The following SEMA4F variants were observed in gnomAD, a reference collection of about 807,000 sequenced individuals.
SEMA4F encodes the protein ssemaphorin 4F.
A neutral mutation model predicts 78.4 loss-of-function variants in SEMA4F; 51 were observed. That is an observed-to-expected ratio of 0.65 (90% CI 0.52 to 0.82). SEMA4F has a LOEUF of 0.82. Ranked by LOEUF, SEMA4F falls within the 40% of genes least tolerant of loss-of-function variation. The probability of loss-of-function intolerance (pLI) is 0.00; values close to 1 mark genes in which losing one functional copy is unlikely to be tolerated. For synonymous variants in SEMA4F, 418 were observed against 408.7 expected (o/e 1.02, Z -0.27); for missense variants, 938 against 1,014.4 (o/e 0.92, Z 1.02).
the SEMA4F span, among the ~76,000 whole-genome samples, chr2:74,708,992 C>G: frequency 0.012 from 1,889 of 152,142 alleles, 38 homozygotes; most frequent in African/African-American, 0.043. Flanking sequence ...ATGACAAATT[C>G]CTGTCTCTAC....
intron 12 of SEMA4F, 129 bp downstream of exon 12, chr2:74,676,038 A>G (rs1312922392): frequency 3.2e-6 from 3 of 945,918 alleles, no homozygotes; most frequent in Non-Finnish European, 4.6e-6. Context: ...TAGTGTCTAC[A>G]TCACTCGTGT....
chr2:74,690,053 C>T, the SEMA4F span, among the ~76,000 whole-genome samples: 1 of 152,298 alleles, frequency 6.6e-6, no homozygotes, highest in African/African-American at 2.4e-5. Context: ...TCCTTAAACC[C>T]TTCTGCAAAC....
At position 74,679,273 on chromosome 2, in the gene SEMA4F, T is replaced by A. The variant is rs751593705; in HGVS notation, c.1644-3T>A. 16 of 1,610,300 alleles carry A rather than the reference T, an allele frequency of 9.9e-6. No homozygotes were observed. The highest frequency in any genetic ancestry group is 1.3e-5 in the African/African-American group (1 of 74,838). On this transcript the variant is annotated splice_polypyrimidine_tract_variant and splice_region_variant and intron_variant, in intron 12 of 13. Coordinates refer to ENST00000357877, the MANE Select transcript of SEMA4F (RefSeq NM_004263.5). ...GATTTACCAAGCATTCTCTTCTTTA[T>A]AGGTTGGTCCAAGACATAGAGTCAG...
chr2:74,673,402 T>C, intron 5 of SEMA4F, 55 bp from the exon 6 acceptor site: 1 of 1,607,156 alleles, frequency 6.2e-7, no homozygotes, highest in South Asian at 1.1e-5. Context: ...CTGTGACCTC[T>C]GTTGCTTCCC....
the SEMA4F span, among the ~76,000 whole-genome samples, chr2:74,696,920 T>G: frequency 6.6e-6 from 1 of 152,238 alleles, no homozygotes; most frequent in Non-Finnish European, 1.5e-5. Flanking sequence ...CTGGGGTTAT[T>G]TCTAATCTTT....
In SEMA4F at chr2:74,682,611, C is replaced by G. The variant is rs551736679; in HGVS notation, c.*2402C>G. On this transcript the variant is annotated 3_prime_UTR_variant, in exon 14 of 14. Transcript: ENST00000357877. ...CTGTCTGACCTTAGTGGCCTGAGAT[C>G]CCTTTGTATAGAATGGAGGAAGGCT... is the stretch of plus-strand genomic sequence containing the variant. 2.4e-4 allele frequency: 37 copies of G among 152,164 alleles called. No homozygotes were observed. In the East Asian group the frequency reaches 7.2e-3, roughly 29 times the overall value. The allele number at this position is 152,164 out of a possible 1,614,324, so 9.4% of individuals were successfully genotyped here.
intron 5 of SEMA4F, among the ~76,000 whole-genome samples, chr2:74,667,651 CATT>C (rs369915067): frequency 1.6e-3 from 241 of 152,288 alleles, no homozygotes; most frequent in Middle Eastern, 6.8e-3. Flanking sequence ...TAAATGATCT[CATT>C]GTCTTTATTT....
intron 4 of SEMA4F, among the ~76,000 whole-genome samples, chr2:74,659,088 C>T (rs1252116263): frequency 6.6e-6 from 1 of 152,182 alleles, no homozygotes; most frequent in Non-Finnish European, 1.5e-5. Context: ...GATACACACT[C>T]CCTACCAGCA....
the SEMA4F span, among the ~76,000 whole-genome samples, chr2:74,693,336 A>C: frequency 6.6e-6 from 1 of 152,186 alleles, no homozygotes; most frequent in African/African-American, 2.4e-5. Flanking sequence ...TGTTGGCTGG[A>C]ACTTCCAGAA....
chr2:74,673,307 A>C, intron 5 of SEMA4F, 150 bp from the exon 6 acceptor site: 1 of 880,206 alleles, frequency 1.1e-6, no homozygotes. Context: ...AATTGCAATA[A>C]TGCCTGTGAT....
chr2:74,709,367 A>C, the SEMA4F span, among the ~76,000 whole-genome samples: 5 of 152,380 alleles, frequency 3.3e-5, 1 homozygote, highest in Middle Eastern at 6.8e-3. Context: ...ATCCTAATTC[A>C]GTGAAAATGT....
At chr2:74,657,691 C>G in intron 3 of SEMA4F, 67 bp downstream of exon 3, 1 of 1,512,668 alleles carries the variant, frequency 6.6e-7, no homozygotes, top group South Asian at 1.1e-5. Context: ...GACTCTCAGT[C>G]CCCTGTAATG....
the SEMA4F span, among the ~76,000 whole-genome samples, chr2:74,701,582 G>A: frequency 2.0e-5 from 3 of 152,086 alleles, no homozygotes; most frequent in Non-Finnish European, 4.4e-5. Context: ...GCCATGCTCC[G>A]TGAGTCCCTC....
At chr2:74,696,627 G>T in the SEMA4F span, among the ~76,000 whole-genome samples, 1 of 152,132 alleles carries the variant, frequency 6.6e-6, no homozygotes, top group Admixed American at 6.5e-5. Flanking sequence ...CACTGCTCAG[G>T]TGATGGGTGC....
intron 12 of SEMA4F, among the ~76,000 whole-genome samples, chr2:74,677,255 G>C (rs1685342924): frequency 6.6e-6 from 1 of 152,164 alleles, no homozygotes; most frequent in Non-Finnish European, 1.5e-5. Flanking sequence ...TCCAAAAGTA[G>C]AGAGAATTGT....
At chr2:74,675,408 T>G in intron 10 of SEMA4F, 24 bp downstream of exon 10, 1 of 1,608,876 alleles carries the variant, frequency 6.2e-7, no homozygotes. Flanking sequence ...TCAAGCAGGC[T>G]GCCTACCTAG....
In SEMA4F at chr2:74,674,491, AC is replaced by A. The variant is rs1209750894; in HGVS notation, c.823-3del. 1 of 1,603,518 alleles carries A rather than the reference AC, an allele frequency of 6.2e-7. No individual in the cohort carries two copies. Among genetic ancestry groups the A allele is most frequent in the East Asian group, 2.2e-5 (1 of 44,684 alleles). On this transcript the variant is annotated splice_region_variant and splice_polypyrimidine_tract_variant and intron_variant, in intron 7 of 13. Transcript: ENST00000357877. ...AAAGAGAACCTCCCATGTGTTTGTC[AC>A]CCCAGGGGGACCTCGGGGGCCGGAA...
chr2:74,698,263 A>G, the SEMA4F span, among the ~76,000 whole-genome samples: 3 of 152,376 alleles, frequency 2.0e-5, no homozygotes, highest in Admixed American at 6.5e-5. Context: ...GCTAGATGCA[A>G]GTCAGAGAAA....
rs1421662244 is a variant in SEMA4F, at chr2:74,681,255, T to TC, written c.*1052dup. The TC allele has an allele frequency of 1.3e-5, 2 of 152,340 alleles. No homozygotes were observed. Among genetic ancestry groups the TC allele is most frequent in the Non-Finnish European group, 2.9e-5 (2 of 67,970 alleles). The allele number at this position is 152,340 out of a possible 1,614,324, so 9.4% of individuals were successfully genotyped here. A position where few individuals can be genotyped will look rare whatever the true frequency, so the allele number is the denominator to read the frequency against. ...TGACACCCTTGCCCTAAAGCAGGAG[T>TC]CCCCCCTACCTGGGGTCCATGGACT... On this transcript the variant is annotated 3_prime_UTR_variant, in exon 14 of 14. Transcript: ENST00000357877.
Sources: gnomAD v4.1 joint callset for allele counts (sites outside exome capture counted in the v4.1 genomes callset) on GRCh38, gnomAD v4.1.1 for gene constraint, MANE v1.5 for transcripts, NCBI Gene and HGNC (gene_info 2026-07-23, HGNC 2026-07-21) for gene names.